Variants in ANKS6 observed in about 807,000 individuals in gnomAD.
The protein encoded by ANKS6 is ankyrin repeat and sterile alpha motif domain containing 6.
ANKS6 carries 47 observed loss-of-function variants against 77.9 expected under a neutral mutation model. The ratio of observed to expected loss-of-function variants is 0.60; its 90% CI spans 0.48 to 0.77. The LOEUF (loss-of-function observed/expected upper bound fraction) is 0.77, where lower values mean the gene tolerates loss of function less well. Ranked by LOEUF, ANKS6 falls within the 30% of genes least tolerant of loss-of-function variation. The pLI is 0.00. For synonymous variants in ANKS6, 488 were observed against 501.7 expected (o/e 0.97, Z 0.37); for missense variants, 1,150 against 1,159.1 (o/e 0.99, Z 0.11).
chr9:98,751,215 C>T (rs1178170214), intron 12 of ANKS6, 119 bp from the exon 13 acceptor site: 5 of 830,146 alleles, frequency 6.0e-6, no homozygotes, highest in Non-Finnish European at 9.3e-6. Flanking sequence ...GAAACACCAA[C>T]ACAGAAAGCT....
intron 12 of ANKS6, among the ~76,000 whole-genome samples, chr9:98,751,917 C>CA (rs1165944007): frequency 1.3e-5 from 2 of 152,124 alleles, no homozygotes; most frequent in Non-Finnish European, 2.9e-5. Flanking sequence ...TTCATCTCTA[C>CA]AAAAAATTTA....
At position 98,736,001 on chromosome 9, in the gene ANKS6, C is replaced by A. The variant is rs1045589707; in HGVS notation, c.*518G>T. 1.4e-5 allele frequency: 17 copies of A among 1,218,336 alleles called. No individual in the cohort carries two copies. The highest frequency in any genetic ancestry group is 1.2e-4 in the African/African-American group (8 of 64,038). The allele number at this position is 1,218,336 out of a possible 1,614,324, so 75.5% of individuals were successfully genotyped here. A position where few individuals can be genotyped will look rare whatever the true frequency, so the allele number is the denominator to read the frequency against. On this transcript the variant is annotated 3_prime_UTR_variant, in exon 15 of 15. Coordinates refer to ENST00000353234, the MANE Select transcript of ANKS6 (RefSeq NM_173551.5). ...GGCTAACCTCTCACCATAATACATA[C>A]CCCCCATCTAAGTCAAAAGTTGTTG...
chr9:98,790,208 T>A lies in ANKS6; in HGVS notation c.758A>T (p.His253Leu). Residue 253 changes from histidine (H) to leucine (L), a missense_variant, in exon 2 of 15, where the codon CAC becomes CTC. Coordinates refer to ENST00000353234, the MANE Select transcript of ANKS6 (RefSeq NM_173551.5). ...QLVEKGANPDHLSVLEKTAFE... is the reference protein window; with the variant it reads ...QLVEKGANPDLLSVLEKTAFE... ...GGCGGTCTTCTCCAGCACGCTGAGG[T>A]GGTCAGGGTTGGCGCCCTTCTCCAC... is the stretch of plus-strand genomic sequence containing the variant. The A allele has an allele frequency of 6.2e-7, 1 of 1,605,554 alleles. No individual in the cohort carries two copies. The highest frequency in any genetic ancestry group is 1.1e-5 in the South Asian group (1 of 90,830).
chr9:98,771,213 A>G (rs1833608684), intron 9 of ANKS6, among the ~76,000 whole-genome samples, 167 bp from the exon 10 acceptor site: 1 of 152,158 alleles, frequency 6.6e-6, no homozygotes, highest in African/African-American at 2.4e-5. Flanking sequence ...TGAGGGATGG[A>G]GCTTGCTTCT....
intron 11 of ANKS6, among the ~76,000 whole-genome samples, chr9:98,757,144 T>C (rs1832757268): frequency 6.6e-6 from 1 of 152,202 alleles, no homozygotes; most frequent in Admixed American, 6.5e-5. Flanking sequence ...AGTTCCCACA[T>C]ACCCCTCACA....
At position 98,790,682 on chromosome 9, in the gene ANKS6, AT is replaced by A. The variant is rs2118178482; in HGVS notation, c.360-77del. On this transcript the variant is annotated intron_variant, in intron 1 of 14. Coordinates refer to ENST00000353234, the MANE Select transcript of ANKS6 (RefSeq NM_173551.5). ...CCAGCTTATGTCATCCTTAATTGGC[AT>A]GAATTATTAGTCCTGACAGCTGCTC... The A allele has an allele frequency of 8.5e-6, 13 of 1,522,626 alleles. No individual in the cohort carries two copies. In the South Asian group the frequency reaches 1.5e-4, roughly 18 times the overall value. 94.3% of individuals were successfully genotyped at this position (1,522,626 alleles called of 1,614,324 possible). A position where few individuals can be genotyped will look rare whatever the true frequency, so the allele number is the denominator to read the frequency against.
In ANKS6 at chr9:98,756,555, T is replaced by G; in HGVS notation, c.2191A>C (p.Lys731Gln). 3 of 1,573,076 alleles carry G rather than the reference T, an allele frequency of 1.9e-6. No homozygotes were observed. Among genetic ancestry groups the G allele is most frequent in the Non-Finnish European group, 2.6e-6 (3 of 1,162,604 alleles). ...RPPSGTSTTSKSTSPTLTPSP... is the reference protein window; with the variant it reads ...RPPSGTSTTSQSTSPTLTPSP... ...GGCGTGAGGGTTGGAGAGGTGCTCT[T>G]GGAGGTAGTGGAAGTTCCAGATGGA... Residue 731 changes from lysine (K) to glutamine (Q), a missense_variant, in exon 12 of 15, where the codon AAG becomes CAG. By Grantham distance (53) the Lys-to-Gln change is moderately conservative (BLOSUM62 1). Coordinates refer to ENST00000353234, the MANE Select transcript of ANKS6 (RefSeq NM_173551.5).
chr9:98,795,774 G>T (rs1470318579), intron 1 of ANKS6, among the ~76,000 whole-genome samples: 2 of 152,166 alleles, frequency 1.3e-5, no homozygotes, highest in African/African-American at 4.8e-5. Context: ...TGGGGACTCT[G>T]CCTGGGTCTC....
chr9:98,757,495 G>A (rs1832778605), intron 11 of ANKS6, among the ~76,000 whole-genome samples: 1 of 152,216 alleles, frequency 6.6e-6, no homozygotes, highest in South Asian at 2.1e-4. Flanking sequence ...AATGTAGGGG[G>A]CAATGAAGTG....
rs1463748229 is a variant in ANKS6 at position 98,736,271 on chromosome 9, T to G, written c.*248A>C. The stretch of plus-strand genomic sequence containing the variant: ...AAGGAGCTGAGTCCCTGCATCACTG[T>G]GTGAACCAACCTGCCAAGCAGAAGC... On this transcript the variant is annotated 3_prime_UTR_variant, in exon 15 of 15. Transcript: ENST00000353234. 1 of 1,344,230 alleles carries G rather than the reference T, an allele frequency of 7.4e-7. No homozygotes were observed. Among genetic ancestry groups the G allele is most frequent in the East Asian group, 2.9e-5 (1 of 34,892 alleles). 83.3% of individuals were successfully genotyped at this position (1,344,230 alleles called of 1,614,324 possible).
intron 1 of ANKS6, among the ~76,000 whole-genome samples, chr9:98,790,993 G>C (rs1189958801): frequency 2.0e-5 from 3 of 152,226 alleles, no homozygotes; most frequent in Non-Finnish European, 2.9e-5. Context: ...ATCAATGTTA[G>C]CGATTGTTAG....
rs755865609 is a variant in ANKS6 at position 98,756,533 on chromosome 9, G to A, written c.2213C>T (p.Thr738Met). 31 of 1,602,102 alleles carry A rather than the reference G, an allele frequency of 1.9e-5. No individual in the cohort carries two copies. Among genetic ancestry groups the A allele is most frequent in the African/African-American group, 2.7e-5 (2 of 74,298 alleles). Residue 738 changes from threonine to methionine, a missense_variant, in exon 12 of 15, where the codon ACG becomes ATG. Coordinates refer to ENST00000353234, the MANE Select transcript of ANKS6 (RefSeq NM_173551.5). ...GTGCCCTTTGGGTGAGGGGGAGGGC[G>A]TGAGGGTTGGAGAGGTGCTCTTGGA... Reference protein sequence around the residue: ...TTSKSTSPTLTPSPSPKGHTA... With the variant: ...TTSKSTSPTLMPSPSPKGHTA...
intron 13 of ANKS6, among the ~76,000 whole-genome samples, 165 bp from the exon 14 acceptor site, chr9:98,745,840 C>T (rs1170852449): frequency 6.6e-6 from 1 of 152,154 alleles, no homozygotes; most frequent in African/African-American, 2.4e-5. Flanking sequence ...TCGTTGAAAA[C>T]ATTTTTAAAA....
chr9:98,768,309 G>T (rs764561205), intron 10 of ANKS6, 59 bp from the exon 11 acceptor site: 15 of 1,582,966 alleles, frequency 9.5e-6, no homozygotes, highest in Non-Finnish European at 1.3e-5. Context: ...CCAACACAAG[G>T]GTGGTGGACT....
intron 11 of ANKS6, among the ~76,000 whole-genome samples, chr9:98,757,738 C>T (rs974218749): frequency 2.6e-5 from 4 of 152,022 alleles, no homozygotes; most frequent in African/African-American, 9.7e-5. Flanking sequence ...AGCAGCCTAG[C>T]CAATATGGTG....
At chr9:98,758,519 T>C (rs1412739428) in intron 11 of ANKS6, among the ~76,000 whole-genome samples, 1 of 152,186 alleles carries the variant, frequency 6.6e-6, no homozygotes. Context: ...TCACTGGTAC[T>C]GGGATGTCAC....
intron 9 of ANKS6, among the ~76,000 whole-genome samples, chr9:98,771,960 T>A (rs867379367): frequency 1.3e-5 from 2 of 152,138 alleles, no homozygotes; most frequent in Non-Finnish European, 2.9e-5. Flanking sequence ...GCCAGCTCCA[T>A]GGGGACTTGG....
rs916064585 is a variant in ANKS6, at chr9:98,734,114, T to C, written c.*2405A>G. On this transcript the variant is annotated 3_prime_UTR_variant, in exon 15 of 15. Transcript: ENST00000353234. ...TGGGGTGCCCTTTCTCTTCCCTGCC[T>C]ACCAGCCGCATCCAAACATCCCCAG... 1.0e-6 allele frequency: 1 copy of C among 985,548 alleles called. No individual in the cohort carries two copies. The highest frequency in any genetic ancestry group is 1.2e-6 in the Non-Finnish European group (1 of 830,022). 61.1% of individuals were successfully genotyped at this position (985,548 alleles called of 1,614,324 possible).
chr9:98,787,728 A>G (rs1336899154), intron 2 of ANKS6, among the ~76,000 whole-genome samples: 3 of 152,196 alleles, frequency 2.0e-5, no homozygotes, highest in Admixed American at 6.5e-5. Flanking sequence ...TATTATGACT[A>G]TCTTATGAAA....
Sources: allele counts gnomAD v4.1 joint callset (sites outside exome capture counted in the v4.1 genomes callset), GRCh38; gene constraint gnomAD v4.1.1; transcripts MANE v1.5; gene names NCBI Gene and HGNC (gene_info 2026-07-23, HGNC 2026-07-21).